BCL11B: variants seen among roughly 807,000 people sequenced by gnomAD.
The protein encoded by BCL11B is BCL11 transcription factor B.
A neutral mutation model predicts 49.9 loss-of-function variants in BCL11B; 8 were observed. The ratio of observed to expected loss-of-function variants is 0.16; its 90% CI spans 0.09 to 0.29. BCL11B has a LOEUF of 0.29. BCL11B is among the 10% of genes least tolerant of loss of function. BCL11B has a pLI of 1.00. For synonymous variants in BCL11B, 739 were observed against 637.4 expected (o/e 1.16, Z -2.40); for missense variants, 1,006 against 1,351.0 (o/e 0.74, Z 4.00).
chr14:99,175,112 C>A lies in BCL11B; in HGVS notation c.1724G>T (p.Gly575Val). 2 of 1,594,068 alleles carry A rather than the reference C, an allele frequency of 1.3e-6. No homozygotes were observed. The highest frequency in any genetic ancestry group is 1.7e-6 in the Non-Finnish European group (2 of 1,172,566). The change falls in exon 4 of 4, where the codon GGG becomes GTG. Residue 575 changes from glycine to valine, a missense_variant. By Grantham distance (109) the Gly-to-Val change is moderately radical (BLOSUM62 -3). Around this residue, in one of 6 missense-constraint regions of BCL11B, gnomAD observed 443 missense variants for 499.7 expected, o/e 0.89. Transcript: ENST00000357195. ...CGCGCCGCCCCCCGCGCCCGGGACC[C>A]CGGGCACCCCACCACCGCCGTTCTC... ...NRENGGGGVPGVPGAGGGAAK... is the reference protein window; with the variant it reads ...NRENGGGGVPVVPGAGGGAAK...
At chr14:99,193,700 A>G (rs1338704609) in intron 3 of BCL11B, among the ~76,000 whole-genome samples, 1 of 152,246 alleles carries the variant, frequency 6.6e-6, no homozygotes, top group Admixed American at 6.5e-5. Flanking sequence ...CAACAGCCAA[A>G]CACACACACT....
rs1886258678 is a variant in BCL11B at position 99,170,627 on chromosome 14, G to A, written c.*3524C>T. On this transcript the variant is annotated 3_prime_UTR_variant, in exon 4 of 4. Coordinates refer to ENST00000357195, the MANE Select transcript of BCL11B (RefSeq NM_138576.4). The stretch of plus-strand genomic sequence containing the variant: ...AGGATGGAGAGGAAACGCAGGGGAA[G>A]GAGAGAGAACGAGATATGGAAAGGC... 1 of 233,044 alleles carries A rather than the reference G, an allele frequency of 4.3e-6. No homozygotes were observed. Among genetic ancestry groups the A allele is most frequent in the South Asian group, 1.8e-4 (1 of 5,518 alleles). 14.4% of individuals were successfully genotyped at this position (233,044 alleles called of 1,614,324 possible).
rs1394031230 is a variant in BCL11B, at chr14:99,194,378, C to A, written c.641-18183G>T. Among the ~76,000 whole-genome samples the A allele has an allele frequency of 6.6e-6, 1 of 152,222 alleles. No homozygotes were observed. The highest frequency in any genetic ancestry group is 2.4e-5 in the African/African-American group (1 of 41,462). On this transcript the variant is annotated intron_variant, in intron 3 of 3. Coordinates refer to ENST00000357195, the MANE Select transcript of BCL11B (RefSeq NM_138576.4). This position sits in a 1 kb window ranked among gnomAD's most constrained non-coding sequence, Gnocchi z 4.6. ...CCAAGGAGCCAGTGCTCCTGGACAA[C>A]ATCCCTAGGGGGTGGCAGGGCCAGG...
At chr14:99,237,907 G>A (rs17098446) in intron 2 of BCL11B, among the ~76,000 whole-genome samples, 12,044 of 152,138 alleles carry the variant, frequency 0.079, 1,140 homozygotes, top group African/African-American at 0.23. Flanking sequence ...TGGATCCAGA[G>A]AGGGTCACTG....
chr14:99,252,202 G>A (rs991265767), intron 2 of BCL11B, among the ~76,000 whole-genome samples: 1 of 152,012 alleles, frequency 6.6e-6, no homozygotes, highest in Admixed American at 6.6e-5. Flanking sequence ...CTAATAATTA[G>A]CTGTCATGAT....
Position 99,228,615 on chromosome 14 carries a change from A to G in BCL11B, c.640+2730T>C, listed in dbSNP as rs1333345304. ...CTGCAATCAAGCACTGGTTGCTCAC[A>G]GGCTCTGAGTCCTGGCAGCTCTCAA... On this transcript the variant is annotated intron_variant, in intron 3 of 3. Transcript: ENST00000357195. The surrounding 1 kb of genome is among the most constrained non-coding windows in gnomAD (Gnocchi z 4.8). 6.6e-6 allele frequency among the ~76,000 whole-genome samples: 1 copy of G among 152,166 alleles called. No homozygotes were observed. Among genetic ancestry groups the G allele is most frequent in the Non-Finnish European group, 1.5e-5 (1 of 68,034 alleles).
intron 3 of BCL11B, among the ~76,000 whole-genome samples, chr14:99,186,984 C>G (rs1396401342): frequency 1.3e-5 from 2 of 152,170 alleles, no homozygotes; most frequent in Non-Finnish European, 2.9e-5. Flanking sequence ...AGCCTCACAT[C>G]TGAATACCCT....
chr14:99,270,998 G>T (rs900477194), intron 1 of BCL11B, among the ~76,000 whole-genome samples, 163 bp downstream of exon 1: 1 of 151,414 alleles, frequency 6.6e-6, no homozygotes, highest in Non-Finnish European at 1.5e-5. Flanking sequence ...CTTTCCTATG[G>T]CCCCCGCCCC....
rs2139846958 is a variant in BCL11B at position 99,213,259 on chromosome 14, G to T, written c.640+18086C>A. On this transcript the variant is annotated intron_variant, in intron 3 of 3. Coordinates refer to ENST00000357195, the MANE Select transcript of BCL11B (RefSeq NM_138576.4). This position sits in a 1 kb window ranked among gnomAD's most constrained non-coding sequence, Gnocchi z 5.1. ...CCGGAGGCTCGGCCGACCTGGGTGT[G>T]CCAGCACAAAAGAGGATGAAGGCCC... 6.6e-6 allele frequency among the ~76,000 whole-genome samples: 1 copy of T among 152,318 alleles called. No individual in the cohort carries two copies. Among genetic ancestry groups the T allele is most frequent in the East Asian group, 1.9e-4 (1 of 5,166 alleles).
intron 3 of BCL11B, among the ~76,000 whole-genome samples, chr14:99,229,841 C>T (rs748164267): frequency 6.6e-6 from 1 of 152,114 alleles, no homozygotes; most frequent in Non-Finnish European, 1.5e-5. Context: ...AAGGCAACCA[C>T]CCAGACAGAG....
At chr14:99,266,937 A>T (rs560557448) in intron 1 of BCL11B, among the ~76,000 whole-genome samples, 1 of 152,242 alleles carries the variant, frequency 6.6e-6, no homozygotes, top group Admixed American at 6.5e-5. Flanking sequence ...AGTGCCAAGA[A>T]CTCCATTCTG....
chr14:99,262,862 G>A lies in BCL11B; in HGVS notation c.59-5023C>T, dbSNP rs566481975. The A allele has an allele frequency of 6.6e-6, 1 of 152,130 alleles. No homozygotes were observed. Among genetic ancestry groups the A allele is most frequent in the African/African-American group, 2.4e-5 (1 of 41,384 alleles). 9.4% of individuals were successfully genotyped at this position (152,130 alleles called of 1,614,324 possible). A position where few individuals can be genotyped will look rare whatever the true frequency, so the allele number is the denominator to read the frequency against. ...GAAAATAACAACCGTAGGGAGGGGG[G>A]AGGAGAAGGGTGGAGGGGGAGAGAG... On this transcript the variant is annotated intron_variant, in intron 1 of 3. Coordinates refer to ENST00000357195, the MANE Select transcript of BCL11B (RefSeq NM_138576.4). The surrounding 1 kb of genome is among the most constrained non-coding windows in gnomAD (Gnocchi z 4.2).
chr14:99,241,556 C>A lies in BCL11B; in HGVS notation c.428-9999G>T, dbSNP rs561913210. Among the ~76,000 whole-genome samples the A allele has an allele frequency of 1.3e-5, 2 of 152,274 alleles. No individual in the cohort carries two copies. Among genetic ancestry groups the A allele is most frequent in the East Asian group, 3.9e-4 (2 of 5,176 alleles). On this transcript the variant is annotated intron_variant, in intron 2 of 3. Coordinates refer to ENST00000357195, the MANE Select transcript of BCL11B (RefSeq NM_138576.4). This position sits in a 1 kb window ranked among gnomAD's most constrained non-coding sequence, Gnocchi z 4.4. ...GGGCTGAGACGAAGGGAACCTGACTCAGCTCCTCCGCCTCTGACAGCTGCC... is the reference window on the plus strand; with the variant it reads ...GGGCTGAGACGAAGGGAACCTGACTAAGCTCCTCCGCCTCTGACAGCTGCC...
rs1010903714 is a variant in BCL11B at position 99,171,502 on chromosome 14, T to C, written c.*2649A>G. On this transcript the variant is annotated 3_prime_UTR_variant, in exon 4 of 4. Transcript: ENST00000357195. ...AAGGACAAGCTTACAGTTAAAAAAT[T>C]ACGAGCTCCAGTAAAAATACAGCAA... is the stretch of plus-strand genomic sequence containing the variant. The C allele has an allele frequency of 1.4e-5, 3 of 210,960 alleles. No individual in the cohort carries two copies. In the Admixed American group the frequency reaches 1.8e-4, roughly 12 times the overall value. 13.1% of individuals were successfully genotyped at this position (210,960 alleles called of 1,614,324 possible).
chr14:99,246,986 ACCCAGGC>A (rs1888864050), intron 2 of BCL11B, among the ~76,000 whole-genome samples: 5 of 152,086 alleles, frequency 3.3e-5, no homozygotes, highest in Admixed American at 3.3e-4. Flanking sequence ...GCAGACAGTG[ACCCAGGC>A]CCCAGAGGGC....
intron 3 of BCL11B, among the ~76,000 whole-genome samples, chr14:99,222,488 A>G (rs1244807648): frequency 2.6e-5 from 4 of 152,182 alleles, no homozygotes; most frequent in Admixed American, 6.5e-5. Context: ...CGACTTGGTT[A>G]AGGCTGGCGT....
chr14:99,269,143 T>TCCCCCCCCCCC (rs1566838293), intron 1 of BCL11B, among the ~76,000 whole-genome samples: 2 of 122,852 alleles, frequency 1.6e-5, no homozygotes, highest in Non-Finnish European at 3.3e-5. Context: ...CCCCATCCAC[T>TCCCCCCCCCCC]CCCCCTTCCC....
In BCL11B at chr14:99,257,356, C is replaced by A. The variant is rs2139952885; in HGVS notation, c.427+115G>T. On this transcript the variant is annotated intron_variant, in intron 2 of 3. Transcript: ENST00000357195. This position sits in a 1 kb window ranked among gnomAD's most constrained non-coding sequence, Gnocchi z 6.2. ...GAAAGGGGGAGCCCCGGCTGGTGGC[C>A]CAGAGGCCATCCTGGAAGCCCCTGG... 1 of 1,379,470 alleles carries A rather than the reference C, an allele frequency of 7.2e-7. No individual in the cohort carries two copies. The highest frequency in any genetic ancestry group is 2.4e-5 in the East Asian group (1 of 40,852). The allele number at this position is 1,379,470 out of a possible 1,614,324, so 85.5% of individuals were successfully genotyped here. A position where few individuals can be genotyped will look rare whatever the true frequency, so the allele number is the denominator to read the frequency against.
intron 3 of BCL11B, among the ~76,000 whole-genome samples, chr14:99,186,026 A>G (rs566571684): frequency 1.1e-4 from 16 of 152,356 alleles, no homozygotes; most frequent in African/African-American, 3.8e-4. Flanking sequence ...ACACAAAGAA[A>G]TGAAGGTCTG....
Sources: gnomAD v4.1 joint callset for allele counts (sites outside exome capture counted in the v4.1 genomes callset) on GRCh38, gnomAD v4.1.1 for gene constraint, gnomAD v4.1.1 regional missense constraint, Gnocchi (gnomAD v3.1) non-coding constraint, MANE v1.5 for transcripts, NCBI Gene and HGNC (gene_info 2026-07-23, HGNC 2026-07-21) for gene names.